ERC2: variants seen among roughly 807,000 people sequenced by gnomAD.
ERC2 encodes the protein ELKS/RAB6-interacting/CAST family member 2.
ERC2 carries 42 observed loss-of-function variants against 114.8 expected under a neutral mutation model. The ratio of observed to expected loss-of-function variants is 0.37; its 90% CI spans 0.29 to 0.47. The LOEUF is 0.47. Ranked by LOEUF, ERC2 falls within the 20% of genes least tolerant of loss-of-function variation. The pLI is 0.99. For missense variants in ERC2, 939 were observed against 1,150.7 expected (o/e 0.82, Z 2.66); for synonymous variants, 454 against 425.5 (o/e 1.07, Z -0.82).
chr3:55,980,495 A>G (rs936610053), intron 12 of ERC2, among the ~76,000 whole-genome samples: 8 of 152,226 alleles, frequency 5.3e-5, no homozygotes, highest in Non-Finnish European at 1.0e-4. Flanking sequence ...CTGAGCTAGT[A>G]TTGTGCATAA....
At chr3:56,314,546 T>G (rs1393280783) in intron 2 of ERC2, among the ~76,000 whole-genome samples, 1 of 152,064 alleles carries the variant, frequency 6.6e-6, no homozygotes, top group East Asian at 1.9e-4. Context: ...GCTGTGTCTA[T>G]ACAAAGAAAA....
intron 6 of ERC2, among the ~76,000 whole-genome samples, chr3:56,087,027 A>G (rs1456552903): frequency 6.6e-6 from 1 of 152,196 alleles, no homozygotes; most frequent in Non-Finnish European, 1.5e-5. Flanking sequence ...AAAGAAAATT[A>G]GAACTGTATG....
intron 7 of ERC2, among the ~76,000 whole-genome samples, chr3:56,074,413 A>G (rs1256570167): frequency 6.6e-6 from 1 of 152,190 alleles, no homozygotes; most frequent in Non-Finnish European, 1.5e-5. Context: ...ATTTTATTAT[A>G]AAAATAATTA....
At chr3:56,381,992 A>G (rs2059769967) in intron 2 of ERC2, among the ~76,000 whole-genome samples, 2 of 152,026 alleles carry the variant, frequency 1.3e-5, no homozygotes, top group Non-Finnish European at 2.9e-5. Flanking sequence ...CTTGTTGGCA[A>G]GTACTTCATA....
intron 17 of ERC2, among the ~76,000 whole-genome samples, chr3:55,543,741 C>T (rs2054554792): frequency 6.6e-6 from 1 of 152,120 alleles, no homozygotes; most frequent in African/African-American, 2.4e-5. Context: ...GCATGGATCT[C>T]CTCGTTCCTG....
intron 6 of ERC2, among the ~76,000 whole-genome samples, chr3:56,110,190 C>T (rs2078886046): frequency 6.6e-6 from 1 of 152,138 alleles, no homozygotes; most frequent in Non-Finnish European, 1.5e-5. Flanking sequence ...CCAGTACTAG[C>T]AAGGCTATAG....
intron 3 of ERC2, among the ~76,000 whole-genome samples, chr3:56,198,352 T>C (rs1448323844): frequency 6.6e-6 from 1 of 152,166 alleles, no homozygotes; most frequent in Non-Finnish European, 1.5e-5. Context: ...AGAGGCAGTG[T>C]AAGGGTTTAA....
At chr3:56,019,965 A>G (rs1372664167) in intron 7 of ERC2, among the ~76,000 whole-genome samples, 2 of 152,222 alleles carry the variant, frequency 1.3e-5, no homozygotes, top group African/African-American at 4.8e-5. Flanking sequence ...CAGCTTTCTC[A>G]GGGAATCATT....
intron 10 of ERC2, among the ~76,000 whole-genome samples, chr3:55,998,190 T>C (rs1194225928): frequency 1.3e-5 from 2 of 151,910 alleles, no homozygotes; most frequent in African/African-American, 4.8e-5. Flanking sequence ...ATGGAACAAA[T>C]AGGATATGTA....
chr3:55,611,178 A>G lies in ERC2; in HGVS notation c.*39+72616T>C, dbSNP rs1029051424. Among the ~76,000 whole-genome samples the G allele has an allele frequency of 3.9e-5, 6 of 152,256 alleles. No individual in the cohort carries two copies. The South Asian group carries it at 1.0e-3, about 26-fold the overall frequency. On this transcript the variant is annotated intron_variant, in intron 17 of 17. Transcript: ENST00000288221. ...AGGCATTTACTTGCTTTCAAATGCC[A>G]GCAGTAATTAAGAGTGAGCTGGCAG... is the stretch of plus-strand genomic sequence containing the variant.
intron 15 of ERC2, among the ~76,000 whole-genome samples, chr3:55,716,041 C>T (rs1277580553): frequency 6.6e-6 from 1 of 152,180 alleles, no homozygotes; most frequent in East Asian, 1.9e-4. Context: ...AGCAGAATGA[C>T]CCAGCAATCT....
At chr3:55,594,585 G>A (rs973292387) in intron 17 of ERC2, among the ~76,000 whole-genome samples, 2 of 152,096 alleles carry the variant, frequency 1.3e-5, no homozygotes, top group African/African-American at 4.8e-5. Flanking sequence ...GGGTTCATGT[G>A]ATTCTCCTGT....
At chr3:56,278,934 T>C (rs1560510657) in intron 3 of ERC2, among the ~76,000 whole-genome samples, 1 of 152,138 alleles carries the variant, frequency 6.6e-6, no homozygotes, top group Non-Finnish European at 1.5e-5. Context: ...ACTCCAGCAT[T>C]GGGGATCACA....
chr3:55,690,430 G>C (rs2062581887), intron 16 of ERC2, among the ~76,000 whole-genome samples: 1 of 152,210 alleles, frequency 6.6e-6, no homozygotes, highest in African/African-American at 2.4e-5. Context: ...GAGCTAAAGT[G>C]CTGCCTCTTA....
At chr3:56,095,699 C>T (rs2078025218) in intron 6 of ERC2, among the ~76,000 whole-genome samples, 1 of 152,174 alleles carries the variant, frequency 6.6e-6, no homozygotes, top group Admixed American at 6.5e-5. Context: ...GGAACTAACT[C>T]AGTGTAAGAG....
At chr3:55,581,147 G>A (rs1393493239) in intron 17 of ERC2, among the ~76,000 whole-genome samples, 1 of 152,138 alleles carries the variant, frequency 6.6e-6, no homozygotes, top group East Asian at 1.9e-4. Context: ...CCTTGAAGGA[G>A]TCAGTTTTAG....
At chr3:55,527,026 G>T (rs889986426) in intron 17 of ERC2, among the ~76,000 whole-genome samples, 4 of 152,222 alleles carry the variant, frequency 2.6e-5, no homozygotes, top group African/African-American at 9.7e-5. Flanking sequence ...GCCTGGATGG[G>T]GGCAGGAGAG....
chr3:55,697,860 C>G (rs2148819919), intron 16 of ERC2, among the ~76,000 whole-genome samples: 1 of 151,946 alleles, frequency 6.6e-6, no homozygotes. Flanking sequence ...CCAATAAAAC[C>G]TCATACTCAC....
At chr3:56,139,456 A>G (rs2080719258) in intron 6 of ERC2, 53 bp downstream of exon 6, 3 of 1,558,864 alleles carry the variant, frequency 1.9e-6, no homozygotes, top group South Asian at 2.4e-5. Context: ...AGGTAGGGCA[A>G]TTTCTATCAA....
Sources: allele counts gnomAD v4.1 joint callset (sites outside exome capture counted in the v4.1 genomes callset), GRCh38; gene constraint gnomAD v4.1.1; transcripts MANE v1.5; gene names NCBI Gene and HGNC (gene_info 2026-07-23, HGNC 2026-07-21).